The following OR2T6 variants were observed in gnomAD, a reference collection of about 807,000 sequenced individuals.
OR2T6 encodes the protein olfactory receptor 2T6.
For missense variants in OR2T6, 424 were observed against 391.6 expected, an observed-to-expected ratio of 1.08 and a Z score of -0.70; for synonymous variants, 174 against 148.0, an observed-to-expected ratio of 1.18 and a Z score of -1.27.
rs748544461 is a variant in OR2T6, at chr1:248,388,539, A to T, written c.*4A>T. ...GAGAGTTGTGGCAAGATGTTAGGGG[A>T]CATGTGGTGTGATGAGGAAAGAATT... On this transcript the variant is annotated 3_prime_UTR_variant, in exon 3 of 3. Transcript: ENST00000641644. 6.4e-7 allele frequency: 1 copy of T among 1,551,602 alleles called. No individual in the cohort carries two copies. Among genetic ancestry groups the T allele is most frequent in the Non-Finnish European group, 8.7e-7 (1 of 1,150,756 alleles).
rs549495008 is a variant in OR2T6, at chr1:248,390,266, A to G, written c.*1731A>G. ...ATGATTTCTTTTTAAGTGGCTAAGAACTGGAGAAAAAATGTTTGGCCTAAA... is the reference window on the plus strand; with the variant it reads ...ATGATTTCTTTTTAAGTGGCTAAGAGCTGGAGAAAAAATGTTTGGCCTAAA... On this transcript the variant is annotated 3_prime_UTR_variant, in exon 3 of 3. Coordinates refer to ENST00000641644, the MANE Select transcript of OR2T6 (RefSeq NM_001005471.2). The G allele has an allele frequency of 6.6e-6, 1 of 152,310 alleles. No homozygotes were observed. Among genetic ancestry groups the G allele is most frequent in the South Asian group, 2.1e-4 (1 of 4,826 alleles). The allele number at this position is 152,310 out of a possible 1,614,324, so 9.4% of individuals were successfully genotyped here.
Position 248,384,743 on chromosome 1 carries a change from C to T in OR2T6, c.-126C>T, listed in dbSNP as rs574038523. 6.6e-6 allele frequency: 1 copy of T among 152,336 alleles called. No homozygotes were observed. Among genetic ancestry groups the T allele is most frequent in the Admixed American group, 6.5e-5 (1 of 15,304 alleles). 9.4% of individuals were successfully genotyped at this position (152,336 alleles called of 1,614,324 possible). On this transcript the variant is annotated 5_prime_UTR_variant, in exon 2 of 3. Transcript: ENST00000641644. The stretch of plus-strand genomic sequence containing the variant: ...TGATTCATCAGGTCCTCACGAGGAG[C>T]TCGTTAGATGAGATGCTACCCATTA...
intron 2 of OR2T6, 105 bp from the exon 3 acceptor site, chr1:248,387,500 A>C (rs1403169492): frequency 1.5e-6 from 1 of 683,006 alleles, no homozygotes; most frequent in Non-Finnish European, 2.3e-6. Flanking sequence ...TAGCTACATA[A>C]AAGATTTTAA....
rs76652846 is a variant in OR2T6, at chr1:248,384,126, G to A, written c.-158-585G>A. ...TCATCCTATCCTGATGTGTTTCCTA[G>A]TGTTATTGTCATGGGTAAAGCACTG... On this transcript the variant is annotated intron_variant, in intron 1 of 2. Transcript: ENST00000641644. Among the ~76,000 whole-genome samples, 144 of 31,786 alleles carry A rather than the reference G, an allele frequency of 4.5e-3. 2 individuals are homozygous for A. The highest frequency in any genetic ancestry group is 6.5e-3 in the South Asian group (5 of 768). The allele number at this position is 31,786 out of a possible 152,430, so 20.9% of individuals were successfully genotyped here.
rs2103072446 is a variant in OR2T6 at position 248,387,984 on chromosome 1, A to G, written c.376A>G (p.Ile126Val). 6.2e-7 allele frequency: 1 copy of G among 1,610,658 alleles called. No individual in the cohort carries two copies. Among genetic ancestry groups the G allele is most frequent in the Non-Finnish European group, 8.5e-7 (1 of 1,178,200 alleles). ...CATGGCCTATGACCGCTACGTGGCCATCTGCAACCCACTGCGCTATCCTGT... is the reference window on the plus strand; with the variant it reads ...CATGGCCTATGACCGCTACGTGGCCGTCTGCAACCCACTGCGCTATCCTGT... ...GLMAYDRYVA[I>V]CNPLRYPVLI... The change falls in exon 3 of 3, where the codon ATC (isoleucine) becomes GTC (valine). Residue 126 changes from isoleucine (I) to valine (V), a missense_variant. Coordinates refer to ENST00000641644, the MANE Select transcript of OR2T6 (RefSeq NM_001005471.2).
intron 1 of OR2T6, among the ~76,000 whole-genome samples, chr1:248,380,614 A>G (rs961119361): frequency 7.9e-5 from 12 of 152,054 alleles, no homozygotes; most frequent in South Asian, 2.1e-4. Flanking sequence ...TTTTGTCTGG[A>G]TACATCTTTA....
At chr1:248,384,455 A>T (rs374280933) in intron 1 of OR2T6, among the ~76,000 whole-genome samples, 340 of 30,132 alleles carry the variant, frequency 0.011, 10 homozygotes, top group Non-Finnish European at 0.013. Flanking sequence ...CCTCTCCTGA[A>T]GTGTTTCCTA....
chr1:248,384,161 G>C (rs1434514051), intron 1 of OR2T6, among the ~76,000 whole-genome samples: 1 of 62,202 alleles, frequency 1.6e-5, no homozygotes, highest in Non-Finnish European at 3.0e-5. Context: ...GCACTAGCCT[G>C]AGTGTGCTCA....
chr1:248,377,127 C>A (rs917397908), intron 1 of OR2T6, among the ~76,000 whole-genome samples: 1 of 152,180 alleles, frequency 6.6e-6, no homozygotes, highest in South Asian at 2.1e-4. Flanking sequence ...ATGTTGAAAG[C>A]ACGGGCATAA....
chr1:248,388,353 A>T lies in OR2T6; in HGVS notation c.745A>T (p.Thr249Ser). ...ATCSSHMMVV[T>S]LFYGAALYTY... ...CTGCTCTTCACACATGATGGTGGTG[A>T]CATTGTTCTATGGGGCTGCCTTGTA... Residue 249 changes from threonine (T) to serine (S), a missense_variant, in exon 3 of 3, where the codon ACA (threonine) becomes TCA (serine). Physicochemically the swap from Thr to Ser is moderately conservative, Grantham distance 58 (BLOSUM62 1). Coordinates refer to ENST00000641644, the MANE Select transcript of OR2T6 (RefSeq NM_001005471.2). The T allele has an allele frequency of 6.2e-7, 1 of 1,613,362 alleles. No individual in the cohort carries two copies.
Position 248,388,683 on chromosome 1 carries a change from A to G in OR2T6, c.*148A>G. 1 of 531,602 alleles carries G rather than the reference A, an allele frequency of 1.9e-6. No homozygotes were observed. The highest frequency in any genetic ancestry group is 2.9e-5 in the East Asian group (1 of 34,484). 32.9% of individuals were successfully genotyped at this position (531,602 alleles called of 1,614,324 possible). ...CTGTGCTAAATGGTGTATCAACAGT[A>G]CCCCCATCAAAAATGGGAAGTTGCT... On this transcript the variant is annotated 3_prime_UTR_variant, in exon 3 of 3. Coordinates refer to ENST00000641644, the MANE Select transcript of OR2T6 (RefSeq NM_001005471.2).
chr1:248,378,827 A>G (rs1380185772), intron 1 of OR2T6, among the ~76,000 whole-genome samples: 1 of 152,124 alleles, frequency 6.6e-6, no homozygotes, highest in Admixed American at 6.5e-5. Flanking sequence ...ATGTTCTCCA[A>G]AAGTTTAGCA....
chr1:248,380,020 T>C (rs1268770941), intron 1 of OR2T6, among the ~76,000 whole-genome samples: 1 of 151,964 alleles, frequency 6.6e-6, no homozygotes, highest in East Asian at 1.9e-4. Context: ...CCCCCACCTA[T>C]ATGTGTGTGT....
rs151095223 is a variant in OR2T6 at position 248,384,632 on chromosome 1, A to C, written c.-158-79A>C. ...ATCATCATGGAGAAAGCACTGCACT[A>C]GCCTGAGTGTGTTCATCCTCTCCTG... On this transcript the variant is annotated intron_variant, in intron 1 of 2. Coordinates refer to ENST00000641644, the MANE Select transcript of OR2T6 (RefSeq NM_001005471.2). The C allele has an allele frequency of 6.7e-5, 7 of 104,392 alleles. 2 individuals carry two copies. In the East Asian group the frequency reaches 2.1e-3, roughly 31 times the overall value. 6.5% of individuals were successfully genotyped at this position (104,392 alleles called of 1,614,324 possible). A position where few individuals can be genotyped will look rare whatever the true frequency, so the allele number is the denominator to read the frequency against.
At chr1:248,385,994 G>A (rs79630350) in intron 2 of OR2T6, among the ~76,000 whole-genome samples, 8,741 of 152,202 alleles carry the variant, frequency 0.057, 874 homozygotes, top group African/African-American at 0.2. Flanking sequence ...GTGCATTAGG[G>A]CACATTGCAA....
At chr1:248,376,079 T>C (rs565841707) in intron 1 of OR2T6, 25 bp downstream of exon 1, 1 of 152,308 alleles carries the variant, frequency 6.6e-6, no homozygotes, top group African/African-American at 2.4e-5. Flanking sequence ...TCAACTTATA[T>C]CTCCATACTC....
intron 1 of OR2T6, among the ~76,000 whole-genome samples, chr1:248,379,401 G>A (rs58729751): frequency 0.089 from 13,572 of 152,098 alleles, 1,868 homozygotes; most frequent in African/African-American, 0.3. Context: ...TTCTGGGAGA[G>A]AGGTGCCAGG....
Position 248,387,788 on chromosome 1 carries a change from C to T in OR2T6, c.180C>T (p.Tyr60=), listed in dbSNP as rs1228872690. 6 of 1,611,690 alleles carry T rather than the reference C, an allele frequency of 3.7e-6. No individual in the cohort carries two copies. Among genetic ancestry groups the T allele is most frequent in the Non-Finnish European group, 5.1e-6 (6 of 1,178,016 alleles). Residue 60 remains tyrosine (Y), a synonymous_variant, in exon 3 of 3, where the codon TAC becomes TAT. Coordinates refer to ENST00000641644, the MANE Select transcript of OR2T6 (RefSeq NM_001005471.2). Reference sequence around the variant, plus strand: ...ACCCTCATCTCCACACCCCCATGTACTTCCTCCTCAGCCACCTCTCCGTCA... The same window carrying T: ...ACCCTCATCTCCACACCCCCATGTATTTCCTCCTCAGCCACCTCTCCGTCA... ...NIDPHLHTPM[Y]FLLSHLSVID...
In OR2T6 at chr1:248,388,472, C is replaced by T. The variant is rs1297973457; in HGVS notation, c.864C>T (p.Leu288=). 2 of 1,606,488 alleles carry T rather than the reference C, an allele frequency of 1.2e-6. No homozygotes were observed. Among genetic ancestry groups the T allele is most frequent in the Admixed American group, 1.7e-5 (1 of 59,430 alleles). ...YTILTPLLNP[L]IYSLRNRDVM... ...TCCTCACACCCTTATTAAACCCTCT[C>T]ATCTACAGTCTGAGGAACAGGGATG... Residue 288 remains leucine, a synonymous_variant, in exon 3 of 3, where the codon CTC becomes CTT. Transcript: ENST00000641644.
Sources: allele counts gnomAD v4.1 joint callset (sites outside exome capture counted in the v4.1 genomes callset), GRCh38; gene constraint gnomAD v4.1.1; transcripts MANE v1.5; gene names NCBI Gene and HGNC (gene_info 2026-07-23, HGNC 2026-07-21).